Variants in LRRC8D observed in about 807,000 individuals in gnomAD.
LRRC8D encodes the protein volume-regulated anion channel subunit LRRC8D.
LRRC8D carries 20 observed loss-of-function variants against 55.8 expected under a neutral mutation model. The observed-to-expected ratio is 0.36, with a 90% CI of 0.25 to 0.52. The LOEUF (loss-of-function observed/expected upper bound fraction) is 0.52. LRRC8D is among the 20% of genes least tolerant of loss of function. The pLI is 0.93. For missense variants in LRRC8D, 651 were observed against 1,030.8 expected, an observed-to-expected ratio of 0.63 and a Z score of 5.05; for synonymous variants, 352 against 377.0, an observed-to-expected ratio of 0.93 and a Z score of 0.77.
intron 2 of LRRC8D, among the ~76,000 whole-genome samples, chr1:89,886,163 G>C (rs1212890918): frequency 1.2e-4 from 19 of 152,128 alleles, no homozygotes; most frequent in Admixed American, 1.2e-3. Flanking sequence ...TAAGAGTGTA[G>C]TGCCTCATCC....
At chr1:89,919,690 G>T (rs575969139) in intron 2 of LRRC8D, among the ~76,000 whole-genome samples, 36 of 152,148 alleles carry the variant, frequency 2.4e-4, no homozygotes, top group Non-Finnish European at 3.7e-4. Flanking sequence ...ACTTTCTCTG[G>T]AGCCTTTATT....
chr1:89,824,767 C>T (rs963278076), intron 1 of LRRC8D, among the ~76,000 whole-genome samples: 4 of 152,132 alleles, frequency 2.6e-5, no homozygotes, highest in African/African-American at 7.2e-5. Flanking sequence ...CTCAGTTTAT[C>T]GGCATCTCAC....
chr1:89,919,206 G>T (rs1200038039), intron 2 of LRRC8D, among the ~76,000 whole-genome samples: 1 of 152,132 alleles, frequency 6.6e-6, no homozygotes, highest in African/African-American at 2.4e-5. Flanking sequence ...ATTTGTATCT[G>T]AGTGTTTTTC....
chr1:89,843,552 G>A (rs1012471768), intron 1 of LRRC8D, 86 bp from the exon 2 acceptor site: 4 of 685,472 alleles, frequency 5.8e-6, no homozygotes, highest in South Asian at 4.5e-5. Flanking sequence ...CCCTGGTCTT[G>A]CCTCCCCGCC....
intron 2 of LRRC8D, among the ~76,000 whole-genome samples, chr1:89,878,310 G>A (rs1041415609): frequency 1.5e-4 from 23 of 152,298 alleles, no homozygotes; most frequent in African/African-American, 5.3e-4. Flanking sequence ...TGTTCAGCAG[G>A]TATTATGTGC....
rs1255704501 is a variant in LRRC8D, at chr1:89,935,173, T to C, written c.2105T>C (p.Ile702Thr). The C allele has an allele frequency of 6.2e-7, 1 of 1,614,210 alleles. No individual in the cohort carries two copies. Among genetic ancestry groups the C allele is most frequent in the Admixed American group, 1.7e-5 (1 of 60,026 alleles). The change falls in exon 3 of 3, where the codon ATT (isoleucine) becomes ACT (threonine). Residue 702 changes from isoleucine to threonine, a missense_variant. Physicochemically the swap from Ile to Thr is moderately conservative, Grantham distance 89. Coordinates refer to ENST00000337338, the MANE Select transcript of LRRC8D (RefSeq NM_001134479.2). ...AAAATTGTTACTATTCCTCCCTCTA[T>C]TACCCATGTCAAAAACTTGGAGTCA... Reference protein sequence around the residue: ...HNKIVTIPPSITHVKNLESLY... With the variant: ...HNKIVTIPPSTTHVKNLESLY...
intron 2 of LRRC8D, among the ~76,000 whole-genome samples, chr1:89,855,106 AC>A (rs766238985): frequency 2.0e-5 from 3 of 151,152 alleles, no homozygotes; most frequent in Non-Finnish European, 4.4e-5. Flanking sequence ...CTCATTTCTC[AC>A]TCTTTGTTAA....
At chr1:89,873,954 G>T (rs999102216) in intron 2 of LRRC8D, among the ~76,000 whole-genome samples, 1 of 152,134 alleles carries the variant, frequency 6.6e-6, no homozygotes, top group Non-Finnish European at 1.5e-5. Flanking sequence ...GGAAATGCTT[G>T]TTCATAGATC....
rs545933383 is a variant in LRRC8D at position 89,916,835 on chromosome 1, G to A, written c.-2-16232G>A. Reference sequence around the variant, plus strand: ...TCTGGACATTTAAATCCAATTTTGTGGAATTTTCAGGGTAGGAACATTCAA... The same window carrying A: ...TCTGGACATTTAAATCCAATTTTGTAGAATTTTCAGGGTAGGAACATTCAA... On this transcript the variant is annotated intron_variant, in intron 2 of 2. Transcript: ENST00000337338. Among the ~76,000 whole-genome samples, 8 of 152,112 alleles carry A rather than the reference G, an allele frequency of 5.3e-5. No homozygotes were observed. The South Asian group carries it at 1.5e-3, about 28-fold the overall frequency.
intron 2 of LRRC8D, chr1:89,846,614 G>A (rs563246349): frequency 1.3e-5 from 2 of 152,150 alleles, no homozygotes; most frequent in South Asian, 4.1e-4. Flanking sequence ...AAATCTCCAG[G>A]TTTTTCGTTA....
intron 2 of LRRC8D, among the ~76,000 whole-genome samples, chr1:89,889,882 G>GA (rs200953405): frequency 0.014 from 2,002 of 146,192 alleles, 45 homozygotes; most frequent in African/African-American, 0.048. Context: ...GACCCTGTCT[G>GA]AAAAAAAAAC....
At chr1:89,821,626 C>T (rs1293233631) in intron 1 of LRRC8D, among the ~76,000 whole-genome samples, 5 of 152,188 alleles carry the variant, frequency 3.3e-5, no homozygotes, top group African/African-American at 1.2e-4. Context: ...CTCTCACCTC[C>T]CTCCGCCCTA....
At chr1:89,839,182 C>T (rs1354146966) in intron 1 of LRRC8D, among the ~76,000 whole-genome samples, 4 of 152,202 alleles carry the variant, frequency 2.6e-5, no homozygotes, top group Non-Finnish European at 4.4e-5. Flanking sequence ...CCTGCTGCTG[C>T]TTCTGTAACA....
intron 2 of LRRC8D, among the ~76,000 whole-genome samples, chr1:89,877,601 GCTAATGCAGC>G (rs1441672192): frequency 2.0e-5 from 3 of 152,030 alleles, no homozygotes; most frequent in Admixed American, 1.3e-4. Flanking sequence ...TATTAACCTG[GCTAATGCAGC>G]CTGTTCCTAA....
At chr1:89,901,555 C>A (rs1049828827) in intron 2 of LRRC8D, among the ~76,000 whole-genome samples, 2 of 152,218 alleles carry the variant, frequency 1.3e-5, no homozygotes, top group Non-Finnish European at 2.9e-5. Flanking sequence ...TTCCACCTGA[C>A]CTGTCCCTGC....
intron 2 of LRRC8D, among the ~76,000 whole-genome samples, chr1:89,874,039 G>C (rs72716333): frequency 1.3e-5 from 2 of 152,188 alleles, no homozygotes; most frequent in African/African-American, 4.8e-5. Context: ...GATAGTCTAA[G>C]TGTTAAGCAT....
intron 2 of LRRC8D, among the ~76,000 whole-genome samples, chr1:89,923,581 G>A (rs761379272): frequency 6.6e-6 from 1 of 151,296 alleles, no homozygotes; most frequent in Non-Finnish European, 1.5e-5. Context: ...AGAAAAAAAC[G>A]ATTCTAAAAT....
rs1000690103 is a variant in LRRC8D at position 89,846,982 on chromosome 1, C to T, written c.-3+3200C>T. 1.1e-4 allele frequency among the ~76,000 whole-genome samples: 16 copies of T among 152,132 alleles called. 1 individual carries two copies. The highest frequency in any genetic ancestry group is 7.9e-4 in the Admixed American group (12 of 15,268). On this transcript the variant is annotated intron_variant, in intron 2 of 2. Coordinates refer to ENST00000337338, the MANE Select transcript of LRRC8D (RefSeq NM_001134479.2). Reference sequence around the variant, plus strand: ...ACTCCCCACTACTGCTGCCACTGTGCGCATCCCCTACTCTTTCATTCCAGC... The same window carrying T: ...ACTCCCCACTACTGCTGCCACTGTGTGCATCCCCTACTCTTTCATTCCAGC...
At chr1:89,907,820 G>A (rs960664762) in intron 2 of LRRC8D, among the ~76,000 whole-genome samples, 1 of 151,926 alleles carries the variant, frequency 6.6e-6, no homozygotes, top group Non-Finnish European at 1.5e-5. Context: ...GCCCCCTTGC[G>A]CCAACTGATT....
Sources: allele counts gnomAD v4.1 joint callset (sites outside exome capture counted in the v4.1 genomes callset), GRCh38; gene constraint gnomAD v4.1.1; transcripts MANE v1.5; gene names NCBI Gene and HGNC (gene_info 2026-07-23, HGNC 2026-07-21).